Variants in POTEH observed in about 807,000 individuals in gnomAD.
The protein encoded by POTEH is POTE ankyrin domain family member H.
In POTEH, 6 loss-of-function variants were observed where a neutral mutation model predicts 41.7. The observed-to-expected ratio is 0.14, with a 90% CI of 0.08 to 0.28. POTEH has a LOEUF of 0.28. Among genes scored for constraint, POTEH ranks in the 10% least tolerant of loss-of-function variants. The pLI is 1.00. For synonymous variants in POTEH, 38 were observed against 179.9 expected (o/e 0.21, Z 6.31); for missense variants, 115 against 533.5 (o/e 0.22, Z 7.73).
chr22:15,690,164 C>T lies in POTEH; in HGVS notation c.87C>T (p.Arg29=), dbSNP rs766272909. The T allele has an allele frequency of 6.3e-5, 86 of 1,357,620 alleles. 12 individuals carry two copies. In the South Asian group the frequency reaches 1.0e-3, roughly 16 times the overall value. The allele number at this position is 1,357,620 out of a possible 1,614,324, so 84.1% of individuals were successfully genotyped here. ...GAAGCAAGATGGGCAAGTGGTGCCG[C>T]CACTGCTTCGCCTGGTGCAGGGGGA... ...GLRSKMGKWC[R]HCFAWCRGSG... The change falls in exon 1 of 11, where the codon CGC becomes CGT. Residue 29 remains arginine, a synonymous_variant. Coordinates refer to ENST00000343518, the MANE Select transcript of POTEH (RefSeq NM_001136213.1).
At chr22:15,691,048 A>T (rs1989295312) in intron 1 of POTEH, among the ~76,000 whole-genome samples, 1 of 143,668 alleles carries the variant, frequency 7.0e-6, no homozygotes, top group Non-Finnish European at 1.6e-5. Context: ...TATATTGAGA[A>T]CTAAGAATGA....
chr22:15,708,680 ATTC>A (rs1202330446), intron 7 of POTEH, among the ~76,000 whole-genome samples: 1 of 137,032 alleles, frequency 7.3e-6, no homozygotes, highest in Non-Finnish European at 1.5e-5. Flanking sequence ...ATTTTAAAAT[ATTC>A]TTATCTGCCT....
At chr22:15,705,353 C>CTTTTTTTTTTTTTTTTTTTTTTGT (rs1989644040) in intron 6 of POTEH, among the ~76,000 whole-genome samples, 1 of 14,298 alleles carries the variant, frequency 7.0e-5, no homozygotes, top group Non-Finnish European at 1.2e-4. Context: ...ATATGTTGGC[C>CTTTTTTTTTTTTTTTTTTTTTTGT]TTTTTTTTTT....
At position 15,690,894 on chromosome 22, in the gene POTEH, T is replaced by A. The variant is rs1020607908; in HGVS notation, c.632+185T>A. On this transcript the variant is annotated intron_variant, in intron 1 of 10. Transcript: ENST00000343518. The stretch of plus-strand genomic sequence containing the variant: ...GAGCAGCAACACAAAAACAAAACTT[T>A]AGCTGATTTCCAATCAAATCATAAT... Among the ~76,000 whole-genome samples the A allele has an allele frequency of 1.5e-5, 2 of 129,986 alleles. 1 individual carries two copies. Among genetic ancestry groups the A allele is most frequent in the Non-Finnish European group, 3.5e-5 (2 of 56,828 alleles). 85.3% of individuals were successfully genotyped at this position (129,986 alleles called of 152,430 possible).
intron 9 of POTEH, among the ~76,000 whole-genome samples, chr22:15,714,377 G>A (rs1439371968): frequency 6.6e-6 from 1 of 152,170 alleles, no homozygotes; most frequent in Non-Finnish European, 1.5e-5. Context: ...TTCACGCTAA[G>A]TATGTGTCAG....
At chr22:15,713,856 C>T (rs1167925312) in intron 9 of POTEH, among the ~76,000 whole-genome samples, 1 of 152,268 alleles carries the variant, frequency 6.6e-6, no homozygotes, top group African/African-American at 2.4e-5. Context: ...ATGTCTCCAA[C>T]TCAGATCTCA....
At chr22:15,691,804 C>G (rs548097983) in intron 1 of POTEH, among the ~76,000 whole-genome samples, 1 of 148,616 alleles carries the variant, frequency 6.7e-6, no homozygotes, top group Non-Finnish European at 1.5e-5. Context: ...AGGAATTTAG[C>G]GCTTGATAAT....
At chr22:15,691,559 A>G (rs948923827) in intron 1 of POTEH, among the ~76,000 whole-genome samples, 1 of 137,428 alleles carries the variant, frequency 7.3e-6, no homozygotes, top group Non-Finnish European at 1.6e-5. Context: ...AGCTTTTTCT[A>G]TTTATCACTT....
chr22:15,721,263 A>G (rs1200661101), intron 10 of POTEH, 23 bp from the exon 11 acceptor site: 1 of 1,459,604 alleles, frequency 6.9e-7, no homozygotes, highest in African/African-American at 1.4e-5. Flanking sequence ...AGTGCTAACT[A>G]AAAGTTCCCT....
rs1170795037 is a variant in POTEH, at chr22:15,717,272, CTT to C, written c.1521-2386_1521-2385del. On this transcript the variant is annotated intron_variant, in intron 9 of 10. Coordinates refer to ENST00000343518, the MANE Select transcript of POTEH (RefSeq NM_001136213.1). ...GCAGTAAACATATGTGTGCGGGTGT[CTT>C]TGTGAGAGTACGATTTCTTTTGTTT... 3.3e-5 allele frequency among the ~76,000 whole-genome samples: 3 copies of C among 91,032 alleles called. 1 individual carries two copies. Among genetic ancestry groups the C allele is most frequent in the South Asian group, 1.0e-3 (2 of 1,992 alleles). The allele number at this position is 91,032 out of a possible 152,430, so 59.7% of individuals were successfully genotyped here.
intron 6 of POTEH, among the ~76,000 whole-genome samples, chr22:15,703,707 A>T (rs1989609485): frequency 6.7e-6 from 1 of 149,502 alleles, no homozygotes; most frequent in African/African-American, 2.5e-5. Context: ...TATAGTCCAA[A>T]CTGTATGAGG....
rs1295202371 is a variant in POTEH at position 15,690,173 on chromosome 22, C to T, written c.96C>T (p.Phe32=). ...TGGGCAAGTGGTGCCGCCACTGCTT[C>T]GCCTGGTGCAGGGGGAGCGGCAAGA... ...SKMGKWCRHC[F]AWCRGSGKSN... Residue 32 remains phenylalanine, a synonymous_variant, in exon 1 of 11, where the codon TTC becomes TTT. Transcript: ENST00000343518. 36 of 1,356,066 alleles carry T rather than the reference C, an allele frequency of 2.7e-5. 8 individuals are homozygous for T. Among genetic ancestry groups the T allele is most frequent in the South Asian group, 1.9e-4 (16 of 82,572 alleles). The allele number at this position is 1,356,066 out of a possible 1,614,324, so 84.0% of individuals were successfully genotyped here.
At chr22:15,709,130 CAG>C (rs1989748818) in intron 7 of POTEH, among the ~76,000 whole-genome samples, 1 of 141,792 alleles carries the variant, frequency 7.1e-6, no homozygotes, top group Non-Finnish European at 1.5e-5. Flanking sequence ...AAAATCAGGA[CAG>C]ATTAAAATTT....
rs371073280 is a variant in POTEH at position 15,690,149 on chromosome 22, G to T, written c.72G>T (p.Met24Ile). Residue 24 changes from methionine to isoleucine, a missense_variant, in exon 1 of 11, where the codon ATG (methionine) becomes ATT (isoleucine). Transcript: ENST00000343518. ...VKKPFGLRSK[M>I]GKWCRHCFAW... ...AGCCATTTGGTCTCAGAAGCAAGATGGGCAAGTGGTGCCGCCACTGCTTCG... is the reference window on the plus strand; with the variant it reads ...AGCCATTTGGTCTCAGAAGCAAGATTGGCAAGTGGTGCCGCCACTGCTTCG... The T allele has an allele frequency of 8.6e-6, 12 of 1,396,652 alleles. No individual in the cohort carries two copies. The highest frequency in any genetic ancestry group is 1.2e-5 in the Non-Finnish European group (12 of 1,006,406). 86.5% of individuals were successfully genotyped at this position (1,396,652 alleles called of 1,614,324 possible).
At chr22:15,691,368 T>C (rs1268392701) in intron 1 of POTEH, among the ~76,000 whole-genome samples, 2 of 126,866 alleles carry the variant, frequency 1.6e-5, no homozygotes. Flanking sequence ...CTAAAAAATA[T>C]AAAAAAAATT....
Position 15,690,263 on chromosome 22 carries a change from C to A in POTEH, c.186C>A (p.Gly62=), listed in dbSNP as rs570524378. 1 of 1,410,504 alleles carries A rather than the reference C, an allele frequency of 7.1e-7. No homozygotes were observed. The highest frequency in any genetic ancestry group is 2.3e-5 in the East Asian group (1 of 43,356). 87.4% of individuals were successfully genotyped at this position (1,410,504 alleles called of 1,614,324 possible). The change falls in exon 1 of 11, where the codon GGC becomes GGA. Residue 62 remains glycine (G), a synonymous_variant. Transcript: ENST00000343518. The part of the protein sequence containing the change: ...SAMKTLRSKM[G]KWCCHCFPWC... Reference sequence around the variant, plus strand: ...TGAAGACACTCAGGAGCAAGATGGGCAAGTGGTGCTGCCACTGCTTCCCCT... The same window carrying A: ...TGAAGACACTCAGGAGCAAGATGGGAAAGTGGTGCTGCCACTGCTTCCCCT...
chr22:15,691,062 C>T (rs1989295927), intron 1 of POTEH, among the ~76,000 whole-genome samples: 1 of 143,574 alleles, frequency 7.0e-6, no homozygotes, highest in African/African-American at 2.5e-5. Context: ...AGAATGAAGC[C>T]CCATAACACA....
rs775940892 is a variant in POTEH, at chr22:15,690,183, A to AG, written c.111dup (p.Ser38GlufsTer151). 18 of 1,359,832 alleles carry AG rather than the reference A, an allele frequency of 1.3e-5. 5 individuals are homozygous for AG. Among genetic ancestry groups the AG allele is most frequent in the Middle Eastern group, 1.9e-4 (1 of 5,178 alleles). 84.2% of individuals were successfully genotyped at this position (1,359,832 alleles called of 1,614,324 possible). On this transcript the variant is annotated frameshift_variant, in exon 1 of 11. Transcript: ENST00000343518. LOFTEE classifies it high-confidence loss of function. ...GTGCCGCCACTGCTTCGCCTGGTGC[A>AG]GGGGGAGCGGCAAGAGCAACGTGGG...
chr22:15,703,747 A>G (rs550319398), intron 6 of POTEH, among the ~76,000 whole-genome samples: 2 of 150,820 alleles, frequency 1.3e-5, no homozygotes, highest in Admixed American at 1.3e-4. Flanking sequence ...CTATTTATCA[A>G]AGAGCTTCTG....
Sources: allele counts gnomAD v4.1 joint callset (sites outside exome capture counted in the v4.1 genomes callset), GRCh38; gene constraint gnomAD v4.1.1; transcripts MANE v1.5; gene names NCBI Gene and HGNC (gene_info 2026-07-23, HGNC 2026-07-21).